The following FAM227A variants were observed in gnomAD, a reference collection of about 807,000 sequenced individuals.
The protein encoded by FAM227A is protein FAM227A.
Under a neutral mutation model 74.7 loss-of-function variants are expected in FAM227A, and 80 were observed. The observed-to-expected ratio is 1.07, with a 90% CI of 0.89 to 1.29. The LOEUF is 1.29. Among genes scored for constraint, FAM227A ranks in the 50% most tolerant of loss-of-function variants. FAM227A has a pLI of 0.00. For synonymous variants in FAM227A, 237 were observed against 241.8 expected (o/e 0.98, Z 0.19); for missense variants, 654 against 683.4 (o/e 0.96, Z 0.48).
rs1211728668 is a variant in FAM227A at position 38,645,438 on chromosome 22, A to G, written c.225+125T>C. 3 of 624,186 alleles carry G rather than the reference A, an allele frequency of 4.8e-6. No homozygotes were observed. The African/African-American group carries it at 5.8e-5, about 12-fold the overall frequency. 38.7% of individuals were successfully genotyped at this position (624,186 alleles called of 1,614,324 possible). A position where few individuals can be genotyped will look rare whatever the true frequency, so the allele number is the denominator to read the frequency against. On this transcript the variant is annotated intron_variant, in intron 3 of 16. Transcript: ENST00000535113. ...TAATTTTTAAAAAAATTAACTTTGAATACTCAATTGTGTAAACATGTTTTC... is the reference window on the plus strand; with the variant it reads ...TAATTTTTAAAAAAATTAACTTTGAGTACTCAATTGTGTAAACATGTTTTC...
chr22:38,611,925 C>T (rs562971665), intron 11 of FAM227A, among the ~76,000 whole-genome samples: 2 of 152,288 alleles, frequency 1.3e-5, no homozygotes, highest in Admixed American at 1.3e-4. Context: ...CCAAACCCTA[C>T]GCTGTCCATC....
At chr22:38,607,176 CAAAAA>C (rs528873313) in intron 12 of FAM227A, among the ~76,000 whole-genome samples, 1 of 55,678 alleles carries the variant, frequency 1.8e-5, no homozygotes, top group African/African-American at 6.0e-5. Context: ...GACTTCATCT[CAAAAA>C]AAAAAAAAAA....
chr22:38,604,710 G>C (rs1351420233), intron 13 of FAM227A, among the ~76,000 whole-genome samples: 1 of 152,122 alleles, frequency 6.6e-6, no homozygotes, highest in African/African-American at 2.4e-5. Context: ...CTGGAGTGCA[G>C]TGGCGCGATC....
At chr22:38,641,883 A>C (rs1041235940) in intron 3 of FAM227A, among the ~76,000 whole-genome samples, 30 of 152,100 alleles carry the variant, frequency 2.0e-4, no homozygotes, top group African/African-American at 6.8e-4. Flanking sequence ...GTGTTCTTCC[A>C]TCTTGTGGGA....
chr22:38,654,190 T>C (rs1024303817), intron 1 of FAM227A, among the ~76,000 whole-genome samples: 7 of 151,350 alleles, frequency 4.6e-5, no homozygotes, highest in African/African-American at 1.7e-4. Flanking sequence ...CCACTAAAAA[T>C]ACAAAAAACT....
chr22:38,622,730 G>T (rs894281242), intron 10 of FAM227A, among the ~76,000 whole-genome samples: 1 of 152,036 alleles, frequency 6.6e-6, no homozygotes, highest in East Asian at 1.9e-4. Flanking sequence ...ACAAAAATTA[G>T]CTGGGCGTGG....
chr22:38,636,030 G>A (rs558273370), intron 6 of FAM227A, among the ~76,000 whole-genome samples: 374 of 136,922 alleles, frequency 2.7e-3, no homozygotes, highest in Non-Finnish European at 5.4e-3. Context: ...AGAAAGAAGA[G>A]AGAAAGAGAA....
intron 9 of FAM227A, among the ~76,000 whole-genome samples, chr22:38,623,890 T>G (rs1269651478): frequency 6.6e-6 from 1 of 152,154 alleles, no homozygotes; most frequent in Non-Finnish European, 1.5e-5. Context: ...TTGACAGTGA[T>G]GCTTCCAAGG....
chr22:38,591,219 G>C, intron 16 of FAM227A: 1 of 858,862 alleles, frequency 1.2e-6, no homozygotes, highest in Non-Finnish European at 1.6e-6. Context: ...AGCTACTCAG[G>C]AGGCTGAAGT....
At chr22:38,595,011 T>C (rs2091013323) in intron 15 of FAM227A, among the ~76,000 whole-genome samples, 1 of 152,032 alleles carries the variant, frequency 6.6e-6, no homozygotes, top group Admixed American at 6.6e-5. Flanking sequence ...GGCAGGAGAA[T>C]CGCTTGAACC....
intron 11 of FAM227A, among the ~76,000 whole-genome samples, chr22:38,613,249 T>TATAAC (rs2091477828): frequency 3.6e-5 from 3 of 83,472 alleles, no homozygotes; most frequent in Non-Finnish European, 6.4e-5. Context: ...ATATATAATA[T>TATAAC]ATAACATATA....
intron 11 of FAM227A, among the ~76,000 whole-genome samples, chr22:38,613,298 T>TATATTATAAC (rs2091484583): frequency 1.3e-5 from 1 of 77,810 alleles, no homozygotes; most frequent in Non-Finnish European, 2.2e-5. Context: ...ATATATATCA[T>TATATTATAAC]ATATAATATA....
rs189889519 is a variant in FAM227A at position 38,582,912 on chromosome 22, G to A, written c.*3213C>T. On this transcript the variant is annotated 3_prime_UTR_variant, in exon 17 of 17. Coordinates refer to ENST00000535113, the MANE Select transcript of FAM227A (RefSeq NM_001013647.2). ...CTCCCAAGATGAGGGACGTCTAAGCGGGGTCCTGGAGGAAGAGCAGGAATT... is the reference window on the plus strand; with the variant it reads ...CTCCCAAGATGAGGGACGTCTAAGCAGGGTCCTGGAGGAAGAGCAGGAATT... 94 of 1,550,512 alleles carry A rather than the reference G, an allele frequency of 6.1e-5. No individual in the cohort carries two copies. The African/African-American group carries it at 9.8e-4, about 16-fold the overall frequency.
intron 6 of FAM227A, among the ~76,000 whole-genome samples, chr22:38,633,292 GCA>G (rs572822865): frequency 5.7e-4 from 87 of 151,910 alleles, no homozygotes; most frequent in Admixed American, 2.1e-3. Flanking sequence ...TCCGGGAGTT[GCA>G]CAGTTTTATT....
In FAM227A at chr22:38,636,635, A is replaced by G. The variant is rs770465262; in HGVS notation, c.373-38T>C. ...AGCAGAATATGAAAATGGGGTTCACATTTTGACAGTGTGAAACAATAGGCT... is the reference window on the plus strand; with the variant it reads ...AGCAGAATATGAAAATGGGGTTCACGTTTTGACAGTGTGAAACAATAGGCT... On this transcript the variant is annotated intron_variant, in intron 5 of 16. Coordinates refer to ENST00000535113, the MANE Select transcript of FAM227A (RefSeq NM_001013647.2). 3.3e-6 allele frequency: 5 copies of G among 1,537,676 alleles called. No homozygotes were observed. The South Asian group carries it at 4.9e-5, about 15-fold the overall frequency.
intron 11 of FAM227A, among the ~76,000 whole-genome samples, chr22:38,618,719 T>C (rs1173372086): frequency 6.6e-6 from 1 of 152,196 alleles, no homozygotes; most frequent in Non-Finnish European, 1.5e-5. Context: ...GATGACTATA[T>C]ATCTCCTAGA....
chr22:38,629,219 C>G (rs2091869312), intron 6 of FAM227A, among the ~76,000 whole-genome samples: 1 of 152,212 alleles, frequency 6.6e-6, no homozygotes, highest in African/African-American at 2.4e-5. Flanking sequence ...CTACCTCCAG[C>G]TCTCACCTCC....
chr22:38,632,692 G>T (rs535837213), intron 6 of FAM227A, among the ~76,000 whole-genome samples: 3 of 152,284 alleles, frequency 2.0e-5, no homozygotes, highest in African/African-American at 7.2e-5. Flanking sequence ...TGATAAAGGG[G>T]CCTGGGACAC....
Position 38,638,648 on chromosome 22 carries a change from C to T in FAM227A, c.372+98G>A, listed in dbSNP as rs1421994669. The T allele has an allele frequency of 3.5e-6, 3 of 867,570 alleles. No individual in the cohort carries two copies. In the South Asian group the frequency reaches 4.4e-5, roughly 13 times the overall value. 53.7% of individuals were successfully genotyped at this position (867,570 alleles called of 1,614,324 possible). A position where few individuals can be genotyped will look rare whatever the true frequency, so the allele number is the denominator to read the frequency against. ...CTCTGCGATTTTTCCTTCATAATCA[C>T]TACCCAGGCACCAAGTATTCTCCTC... On this transcript the variant is annotated intron_variant, in intron 5 of 16. Transcript: ENST00000535113.
Sources: allele counts gnomAD v4.1 joint callset (sites outside exome capture counted in the v4.1 genomes callset), GRCh38; gene constraint gnomAD v4.1.1; transcripts MANE v1.5; gene names NCBI Gene and HGNC (gene_info 2026-07-23, HGNC 2026-07-21).